The following PDE4B variants were observed in gnomAD, a reference collection of about 807,000 sequenced individuals.
PDE4B encodes the protein phosphodiesterase 4B.
Under a neutral mutation model 82.2 loss-of-function variants are expected in PDE4B, and 20 were observed. That is an observed-to-expected ratio of 0.24 (90% CI 0.17 to 0.35). PDE4B has a LOEUF of 0.35. Among genes scored for constraint, PDE4B ranks in the 10% least tolerant of loss-of-function variants. The probability of loss-of-function intolerance (pLI) is 1.00; values close to 1 mark genes in which losing one functional copy is unlikely to be tolerated. For missense variants in PDE4B, 655 were observed against 907.2 expected (o/e 0.72, Z 3.57); for synonymous variants, 320 against 318.9 (o/e 1.00, Z -0.04).
chr1:65,810,998 G>C (rs1320286435), intron 1 of PDE4B, among the ~76,000 whole-genome samples: 6 of 152,158 alleles, frequency 3.9e-5, no homozygotes, highest in African/African-American at 1.4e-4. Context: ...GTGCATTGCA[G>C]GGTGTTTAAC....
chr1:65,984,677 C>T (rs1037898998), intron 3 of PDE4B, among the ~76,000 whole-genome samples: 2 of 152,058 alleles, frequency 1.3e-5, no homozygotes, highest in Non-Finnish European at 2.9e-5. Context: ...ATTGCTTAAA[C>T]CTGAGAGGTG....
intron 3 of PDE4B, among the ~76,000 whole-genome samples, chr1:65,990,804 T>A (rs766931689): frequency 6.6e-6 from 1 of 152,234 alleles, no homozygotes; most frequent in Non-Finnish European, 1.5e-5. Flanking sequence ...GTCTTTGGAA[T>A]GAGAAGCTGA....
At chr1:65,827,478 C>A (rs1646032232) in intron 1 of PDE4B, among the ~76,000 whole-genome samples, 1 of 152,010 alleles carries the variant, frequency 6.6e-6, no homozygotes, top group Non-Finnish European at 1.5e-5. Context: ...ATTAAAAAAA[C>A]CCCACAGTAA....
intron 3 of PDE4B, among the ~76,000 whole-genome samples, chr1:66,028,809 C>T (rs1273341781): frequency 1.3e-5 from 2 of 152,212 alleles, no homozygotes; most frequent in African/African-American, 4.8e-5. Flanking sequence ...AGTTCCTCAT[C>T]TCCATCTGAG....
At chr1:65,866,781 A>T (rs1035817575) in intron 1 of PDE4B, among the ~76,000 whole-genome samples, 2 of 152,244 alleles carry the variant, frequency 1.3e-5, no homozygotes, top group Non-Finnish European at 2.9e-5. Flanking sequence ...TCTTTAACAC[A>T]TAACTAAAAG....
chr1:66,183,721 A>G (rs139028053), intron 3 of PDE4B, among the ~76,000 whole-genome samples: 1 of 152,328 alleles, frequency 6.6e-6, no homozygotes, highest in East Asian at 1.9e-4. Context: ...ACTTCAACTT[A>G]GCAGAGACGT....
chr1:66,271,558 G>GT (rs575685871), intron 7 of PDE4B, among the ~76,000 whole-genome samples: 119 of 152,250 alleles, frequency 7.8e-4, no homozygotes, highest in Non-Finnish European at 1.1e-3. Context: ...TGCTATAGCA[G>GT]TAAGCCAGAG....
At chr1:66,277,476 A>G (rs911049914) in intron 7 of PDE4B, among the ~76,000 whole-genome samples, 7 of 151,780 alleles carry the variant, frequency 4.6e-5, no homozygotes, top group African/African-American at 1.7e-4. Context: ...GCTCACCACA[A>G]CCTCCACCTT....
At position 66,181,674 on chromosome 1, in the gene PDE4B, A is replaced by C. The variant is rs12034887; in HGVS notation, c.282-65786A>C. On this transcript the variant is annotated intron_variant, in intron 3 of 16. Transcript: ENST00000341517. ...TGTTTTCACCCTTATTTTTACTCCC[A>C]ATCTTCTCTCTACTCCACTTTGTAG... Among the ~76,000 whole-genome samples, 1,940 of 152,166 alleles carry C rather than the reference A, an allele frequency of 0.013. 91 individuals are homozygous for C. The East Asian group carries it at 0.15, about 11-fold the overall frequency.
At chr1:65,808,764 A>G (rs747943416) in intron 1 of PDE4B, among the ~76,000 whole-genome samples, 16 of 152,322 alleles carry the variant, frequency 1.1e-4, no homozygotes, top group Non-Finnish European at 2.1e-4. Context: ...GGTAGTACAA[A>G]AGGTTTCTAT....
intron 3 of PDE4B, among the ~76,000 whole-genome samples, chr1:66,067,062 C>T (rs12028871): frequency 0.067 from 10,153 of 152,036 alleles, 616 homozygotes; most frequent in East Asian, 0.26. Context: ...GACACAGCAA[C>T]CACATTTTCT....
intron 3 of PDE4B, among the ~76,000 whole-genome samples, chr1:66,201,302 A>T (rs1023522518): frequency 2.0e-5 from 3 of 152,080 alleles, no homozygotes; most frequent in Admixed American, 6.6e-5. Context: ...TTGGTCTAAA[A>T]TTCTCTTTTT....
intron 3 of PDE4B, among the ~76,000 whole-genome samples, chr1:65,952,637 A>G (rs190224323): frequency 5.1e-4 from 77 of 152,214 alleles, no homozygotes; most frequent in Admixed American, 1.8e-3. Context: ...AGCCAAGATC[A>G]TGCCATTGCA....
chr1:65,815,766 G>T (rs1488010972), intron 1 of PDE4B, among the ~76,000 whole-genome samples: 1 of 152,114 alleles, frequency 6.6e-6, no homozygotes, highest in Non-Finnish European at 1.5e-5. Flanking sequence ...GCACTTATCA[G>T]TCAATAATAA....
At chr1:65,878,296 G>A (rs1274186921) in intron 1 of PDE4B, among the ~76,000 whole-genome samples, 1 of 152,194 alleles carries the variant, frequency 6.6e-6, no homozygotes, top group Non-Finnish European at 1.5e-5. Context: ...GTGTAAATTA[G>A]TTCAACCATT....
intron 3 of PDE4B, among the ~76,000 whole-genome samples, chr1:66,190,392 T>A (rs1242747987): frequency 1.3e-5 from 2 of 151,990 alleles, no homozygotes; most frequent in Admixed American, 1.3e-4. Context: ...TCTGCAGAGG[T>A]TTTTGCTGCC....
intron 3 of PDE4B, among the ~76,000 whole-genome samples, chr1:65,950,620 A>C (rs1569792205): frequency 6.6e-6 from 1 of 152,002 alleles, no homozygotes; most frequent in Non-Finnish European, 1.5e-5. Context: ...ACACAACAGA[A>C]CTAGTCGTAC....
At chr1:66,121,979 T>C (rs575764381) in intron 3 of PDE4B, among the ~76,000 whole-genome samples, 1 of 152,302 alleles carries the variant, frequency 6.6e-6, no homozygotes, top group South Asian at 2.1e-4. Context: ...CCTGTCTTTC[T>C]TCCTTCCTCC....
At chr1:66,323,312 A>G (rs1051862557) in intron 7 of PDE4B, among the ~76,000 whole-genome samples, 1 of 152,050 alleles carries the variant, frequency 6.6e-6, no homozygotes, top group Admixed American at 6.6e-5. Context: ...AAATCTCATA[A>G]CTTTCCAAGG....
Sources: gnomAD v4.1 joint callset for allele counts (sites outside exome capture counted in the v4.1 genomes callset) on GRCh38, gnomAD v4.1.1 for gene constraint, MANE v1.5 for transcripts, NCBI Gene and HGNC (gene_info 2026-07-23, HGNC 2026-07-21) for gene names.